The following THSD4 variants were observed in gnomAD, a reference collection of about 807,000 sequenced individuals.
The protein encoded by THSD4 is thrombospondin type 1 domain containing 4.
A neutral mutation model predicts 119.0 loss-of-function variants in THSD4; 69 were observed. That is an observed-to-expected ratio of 0.58 (90% confidence interval 0.48 to 0.71). The LOEUF (loss-of-function observed/expected upper bound fraction) is 0.71, where lower values mean the gene tolerates loss of function less well. Among genes scored for constraint, THSD4 ranks in the 30% least tolerant of loss-of-function variants. The pLI, the probability that THSD4 is intolerant of heterozygous loss-of-function variation, is 0.00. For synonymous variants in THSD4, 524 were observed against 540.4 expected (o/e 0.97, Z 0.42); for missense variants, 1,393 against 1,391.1 (o/e 1.00, Z -0.02).
chr15:71,171,717 T>G (rs1045720744), intron 3 of THSD4, among the ~76,000 whole-genome samples: 31 of 152,322 alleles, frequency 2.0e-4, no homozygotes, highest in African/African-American at 6.5e-4. Flanking sequence ...AAGTAAATTA[T>G]GTATGACAGT....
intron 4 of THSD4, among the ~76,000 whole-genome samples, chr15:71,229,135 T>G (rs2044041297): frequency 6.6e-6 from 1 of 152,246 alleles, no homozygotes; most frequent in African/African-American, 2.4e-5. Context: ...CCTTATTCAT[T>G]CAGTCACATT....
At chr15:71,144,192 T>C (rs1253744682) in intron 2 of THSD4, among the ~76,000 whole-genome samples, 1 of 152,224 alleles carries the variant, frequency 6.6e-6, no homozygotes, top group African/African-American at 2.4e-5. Context: ...GCTGATTCTT[T>C]AGGAGATCTC....
chr15:71,222,528 G>T (rs2043983328), intron 4 of THSD4, among the ~76,000 whole-genome samples: 1 of 152,194 alleles, frequency 6.6e-6, no homozygotes, highest in Non-Finnish European at 1.5e-5. Flanking sequence ...GACAGCTGTG[G>T]GTGGCTGGGA....
At chr15:71,164,785 A>T (rs1269637379) in intron 3 of THSD4, 11 of 1,591,758 alleles carry the variant, frequency 6.9e-6, no homozygotes, top group Admixed American at 5.5e-5. Context: ...CATCATCATC[A>T]TCTTCTTCTT....
chr15:71,119,884 C>T (rs2040394827), intron 1 of THSD4, among the ~76,000 whole-genome samples: 1 of 152,210 alleles, frequency 6.6e-6, no homozygotes, highest in South Asian at 2.1e-4. Flanking sequence ...TCAGTTTCCC[C>T]ATGTGTAACA....
At chr15:71,137,613 C>A (rs1333310735) in intron 1 of THSD4, among the ~76,000 whole-genome samples, 1 of 152,102 alleles carries the variant, frequency 6.6e-6, no homozygotes, top group African/African-American at 2.4e-5. Flanking sequence ...TGAGTGGTGA[C>A]CCCCAGTTTG....
At chr15:71,718,423 T>G (rs528267876) in intron 8 of THSD4, among the ~76,000 whole-genome samples, 1 of 152,324 alleles carries the variant, frequency 6.6e-6, no homozygotes, top group East Asian at 1.9e-4. Context: ...GTTGCAGGGC[T>G]GGTTCTGTCC....
At chr15:71,655,373 A>T (rs1188447977) in intron 7 of THSD4, among the ~76,000 whole-genome samples, 2 of 152,186 alleles carry the variant, frequency 1.3e-5, no homozygotes, top group Non-Finnish European at 2.9e-5. Flanking sequence ...AAGTTTTCTG[A>T]ATTTCACCAA....
chr15:71,223,101 C>T (rs1009592372), intron 4 of THSD4, among the ~76,000 whole-genome samples: 1 of 152,188 alleles, frequency 6.6e-6, no homozygotes, highest in Admixed American at 6.5e-5. Context: ...GACACACTGG[C>T]AGTTGTTTTG....
intron 8 of THSD4, among the ~76,000 whole-genome samples, chr15:71,678,600 G>A (rs1308026024): frequency 6.6e-6 from 1 of 152,208 alleles, no homozygotes; most frequent in African/African-American, 2.4e-5. Context: ...ATAAGTCACT[G>A]AAGGGGTGGT....
intron 8 of THSD4, among the ~76,000 whole-genome samples, chr15:71,693,015 A>G (rs149890478): frequency 4.4e-4 from 67 of 152,246 alleles, no homozygotes; most frequent in Middle Eastern, 3.4e-3. Flanking sequence ...TTAAAGGGAG[A>G]TAAAAAGGTC....
chr15:71,442,650 GTGTGTGTGTGTATATATATATA>G lies in THSD4; in HGVS notation c.1152+30829_1152+30850del, dbSNP rs1566984932. On this transcript the variant is annotated intron_variant, in intron 7 of 17. Coordinates refer to ENST00000261862, the MANE Select transcript of THSD4 (RefSeq NM_024817.3). ...TATATGTATGTGTGTGTATATGTGT[GTGTGTGTGTGTATATATATATA>G]TATATATATATATATATATATATAT... Among the ~76,000 whole-genome samples, 4 of 24,754 alleles carry G rather than the reference GTGTGTGTGTGTATATATATATA, an allele frequency of 1.6e-4. 1 individual carries two copies. Among genetic ancestry groups the G allele is most frequent in the African/African-American group, 3.9e-4 (4 of 10,188 alleles). The allele number at this position is 24,754 out of a possible 152,430, so 16.2% of individuals were successfully genotyped here.
intron 8 of THSD4, among the ~76,000 whole-genome samples, chr15:71,698,578 G>A (rs2052214310): frequency 6.6e-6 from 1 of 150,942 alleles, no homozygotes; most frequent in Non-Finnish European, 1.5e-5. Context: ...AAACATGGAA[G>A]CAACCTAAAT....
At chr15:71,278,527 C>T (rs12101774) in intron 6 of THSD4, among the ~76,000 whole-genome samples, 1,965 of 152,204 alleles carry the variant, frequency 0.013, 44 homozygotes, top group African/African-American at 0.044. Flanking sequence ...AACTCAAGAA[C>T]GCTATTTAGT....
At chr15:71,285,021 G>A (rs956761096) in intron 6 of THSD4, among the ~76,000 whole-genome samples, 5 of 152,044 alleles carry the variant, frequency 3.3e-5, no homozygotes, top group Non-Finnish European at 7.4e-5. Context: ...TGAGTGTGTT[G>A]TTCTCTACTG....
chr15:71,692,169 C>A (rs963456006), intron 8 of THSD4, among the ~76,000 whole-genome samples: 2 of 152,194 alleles, frequency 1.3e-5, no homozygotes, highest in Non-Finnish European at 2.9e-5. Context: ...TGTTCCAGAA[C>A]ATCTAGGCAC....
intron 6 of THSD4, among the ~76,000 whole-genome samples, chr15:71,387,523 T>C (rs1480600835): frequency 1.3e-5 from 2 of 152,170 alleles, no homozygotes; most frequent in African/African-American, 4.8e-5. Flanking sequence ...AAAGGAAATA[T>C]GCTGTTTTAG....
chr15:71,411,757 G>C lies in THSD4; in HGVS notation c.1086G>C (p.Glu362Asp). 6.2e-7 allele frequency: 1 copy of C among 1,614,024 alleles called. No homozygotes were observed. The highest frequency in any genetic ancestry group is 2.2e-5 in the East Asian group (1 of 44,892). ...ACCGCTTCTATGTACGGCAAGCTGA[G>C]AAAGTCATCGATGGCACCCCCTGTG... ...MGYRFYVRQA[E>D]KVIDGTPCDQ... The change falls in exon 7 of 18, where the codon GAG becomes GAC. Residue 362 changes from glutamate to aspartate, a missense_variant. By Grantham distance (45) the Glu-to-Asp change is conservative. Coordinates refer to ENST00000261862, the MANE Select transcript of THSD4 (RefSeq NM_024817.3).
chr15:71,288,255 C>T (rs1013167900), intron 6 of THSD4, among the ~76,000 whole-genome samples: 2 of 152,156 alleles, frequency 1.3e-5, no homozygotes, highest in Non-Finnish European at 2.9e-5. Flanking sequence ...CTTATCCTGT[C>T]ATTTTGATCC....
Sources: gnomAD v4.1 joint callset for allele counts (sites outside exome capture counted in the v4.1 genomes callset) on GRCh38, gnomAD v4.1.1 for gene constraint, MANE v1.5 for transcripts, NCBI Gene and HGNC (gene_info 2026-07-23, HGNC 2026-07-21) for gene names.